Variants in PACRG observed in about 807,000 individuals in gnomAD.
The protein encoded by PACRG is parkin coregulated.
PACRG carries 29 observed loss-of-function variants against 29.7 expected under a neutral mutation model. The ratio of observed to expected loss-of-function variants is 0.98; its 90% CI spans 0.73 to 1.33. PACRG has a LOEUF of 1.33. Ranked by LOEUF, PACRG falls within the 40% of genes most tolerant of loss-of-function variation. The pLI is 0.00. For synonymous variants in PACRG, 116 were observed against 118.7 expected (o/e 0.98, Z 0.15); for missense variants, 279 against 316.2 (o/e 0.88, Z 0.89).
intron 1 of PACRG, among the ~76,000 whole-genome samples, chr6:162,748,772 A>C (rs927944524): frequency 2.6e-5 from 4 of 152,192 alleles, no homozygotes; most frequent in Non-Finnish European, 5.9e-5. Flanking sequence ...CAAATATTAA[A>C]ATAAAACCAT....
chr6:163,067,138 C>T (rs192371360), intron 3 of PACRG, among the ~76,000 whole-genome samples: 12 of 152,248 alleles, frequency 7.9e-5, no homozygotes, highest in East Asian at 5.8e-4. Context: ...AGCCTTCCTG[C>T]TGTAGCACCG....
intron 4 of PACRG, among the ~76,000 whole-genome samples, chr6:163,147,774 T>C (rs114602236): frequency 0.011 from 1,613 of 152,310 alleles, 27 homozygotes; most frequent in African/African-American, 0.037. Flanking sequence ...CCTTTCTTTT[T>C]GGGCACACTG....
intron 2 of PACRG, chr6:162,957,150 G>A (rs1185097963): frequency 7.0e-5 from 15 of 213,274 alleles, no homozygotes. Flanking sequence ...AAATGAATTT[G>A]GGCTTAGCCT....
intron 4 of PACRG, among the ~76,000 whole-genome samples, chr6:163,236,307 C>CT (rs76838555): frequency 0.32 from 48,346 of 152,100 alleles, 7,754 homozygotes; most frequent in South Asian, 0.42. Flanking sequence ...TTGAGCTGGC[C>CT]TTCTTCTGAA....
chr6:162,803,658 G>T (rs984659854), intron 1 of PACRG, among the ~76,000 whole-genome samples: 1 of 152,104 alleles, frequency 6.6e-6, no homozygotes, highest in Admixed American at 6.6e-5. Context: ...CCAGTATAAA[G>T]ATCTCATACA....
chr6:162,870,640 A>T (rs190241533), intron 2 of PACRG, among the ~76,000 whole-genome samples: 4 of 152,124 alleles, frequency 2.6e-5, no homozygotes, highest in Non-Finnish European at 2.9e-5. Flanking sequence ...GCGTCCTCAT[A>T]GCTTAGCTCC....
intron 3 of PACRG, among the ~76,000 whole-genome samples, chr6:163,078,924 A>C (rs1310358041): frequency 2.0e-5 from 3 of 151,804 alleles, no homozygotes; most frequent in East Asian, 3.9e-4. Flanking sequence ...AACATTTCTC[A>C]TGAGCACACG....
In PACRG at chr6:163,269,906, GAAAGAAAGAAAGAAAGAAAGAAAACAA is replaced by G. The variant is rs1562349739; in HGVS notation, c.614-44919_614-44893del. ...GAAAGAAAGAAAACAAAGAAAGAAAGAAAGAAAGAAAGAAAGAAAGAAAACAAAGAAAGAAAGAAAGAAAGAAAGAAA... is the reference window on the plus strand; with the variant it reads ...GAAAGAAAGAAAACAAAGAAAGAAAGAGAAAGAAAGAAAGAAAGAAAGAAA... On this transcript the variant is annotated intron_variant, in intron 4 of 4. Transcript: ENST00000366888. 3.1e-4 allele frequency among the ~76,000 whole-genome samples: 20 copies of G among 63,658 alleles called. 1 individual carries two copies. The highest frequency in any genetic ancestry group is 1.4e-3 in the African/African-American group (17 of 11,890). The allele number at this position is 63,658 out of a possible 152,430, so 41.8% of individuals were successfully genotyped here.
chr6:163,185,996 C>T (rs1158856708), intron 4 of PACRG, among the ~76,000 whole-genome samples: 1 of 152,180 alleles, frequency 6.6e-6, no homozygotes, highest in Non-Finnish European at 1.5e-5. Context: ...GCCCCCTCCT[C>T]TCTCTGTTTT....
Position 162,814,196 on chromosome 6 carries a change from C to T in PACRG, c.206C>T (p.Pro69Leu). The T allele has an allele frequency of 6.2e-7, 1 of 1,613,762 alleles. No homozygotes were observed. The highest frequency in any genetic ancestry group is 8.5e-7 in the Non-Finnish European group (1 of 1,179,828). Residue 69 changes from proline (P) to leucine (L), a missense_variant, in exon 2 of 5, where the codon CCC (proline) becomes CTC (leucine). Pro to Leu is a moderately conservative substitution (Grantham distance 98). Transcript: ENST00000366888. ...AGAFKERPTK[P>L]TAFRKFYERG... ...GCATTTAAAGAAAGACCAACCAAGC[C>T]CACAGCATTTCGAAAATTCTATGAG...
At chr6:162,818,328 C>T (rs549185127) in intron 2 of PACRG, among the ~76,000 whole-genome samples, 38 of 152,198 alleles carry the variant, frequency 2.5e-4, no homozygotes, top group South Asian at 1.9e-3. Context: ...CTTAAATTGC[C>T]ATCCTTTAAT....
chr6:162,728,157 C>G lies in PACRG; in HGVS notation c.-79C>G. On this transcript the variant is annotated 5_prime_UTR_variant, in exon 1 of 5. Transcript: ENST00000366888. ...TATCGCGCCTTTTGATATTTTTTTC[C>G]AGACCTCCTGCTCACATCCGTAAAG... is the stretch of plus-strand genomic sequence containing the variant. 6.6e-7 allele frequency: 1 copy of G among 1,509,654 alleles called. No homozygotes were observed. The highest frequency in any genetic ancestry group is 1.4e-5 in the African/African-American group (1 of 71,686). 93.5% of individuals were successfully genotyped at this position (1,509,654 alleles called of 1,614,324 possible). A position where few individuals can be genotyped will look rare whatever the true frequency, so the allele number is the denominator to read the frequency against.
chr6:162,789,045 C>T (rs895975085), intron 1 of PACRG, among the ~76,000 whole-genome samples: 10 of 152,054 alleles, frequency 6.6e-5, no homozygotes, highest in Non-Finnish European at 1.5e-4. Flanking sequence ...ACCACTAGAC[C>T]AGGGAGTGCA....
chr6:163,314,553 G>A (rs905672073), intron 4 of PACRG, among the ~76,000 whole-genome samples: 6 of 152,146 alleles, frequency 3.9e-5, no homozygotes, highest in Non-Finnish European at 5.9e-5. Context: ...TCAAGAAAGA[G>A]AGTCCCCGAC....
At chr6:163,144,233 C>CAAAAAAAAAA (rs754157729) in intron 4 of PACRG, among the ~76,000 whole-genome samples, 36 of 101,862 alleles carry the variant, frequency 3.5e-4, no homozygotes, top group East Asian at 9.5e-4. Context: ...CGTCTCAAAA[C>CAAAAAAAAAA]AAAAAAAAAA....
chr6:163,015,687 C>A (rs778665024), intron 2 of PACRG, among the ~76,000 whole-genome samples: 8 of 152,050 alleles, frequency 5.3e-5, no homozygotes, highest in Non-Finnish European at 1.2e-4. Context: ...GATTTTTATA[C>A]ATTGATTTTG....
chr6:162,801,838 CAAATT>C (rs1236598285), intron 1 of PACRG, among the ~76,000 whole-genome samples: 4 of 151,990 alleles, frequency 2.6e-5, no homozygotes, highest in African/African-American at 9.7e-5. Flanking sequence ...AAAATTCAGA[CAAATT>C]AATTCTGATT....
At chr6:162,958,295 T>G (rs1162051161) in intron 2 of PACRG, among the ~76,000 whole-genome samples, 2 of 152,152 alleles carry the variant, frequency 1.3e-5, no homozygotes, top group African/African-American at 2.4e-5. Context: ...TATTCTATAT[T>G]AATATTTAAA....
chr6:162,892,530 C>T (rs1371766394), intron 2 of PACRG, among the ~76,000 whole-genome samples: 1 of 152,144 alleles, frequency 6.6e-6, no homozygotes, highest in Non-Finnish European at 1.5e-5. Context: ...TAACAACTCC[C>T]CCAGGCCCAC....
Sources: allele counts gnomAD v4.1 joint callset (sites outside exome capture counted in the v4.1 genomes callset), GRCh38; gene constraint gnomAD v4.1.1; transcripts MANE v1.5; gene names NCBI Gene and HGNC (gene_info 2026-07-23, HGNC 2026-07-21).